TMEM132B: variants seen among roughly 807,000 people sequenced by gnomAD.
TMEM132B encodes the protein transmembrane protein 132B.
In TMEM132B, 18 loss-of-function variants were observed where a neutral mutation model predicts 90.8. The ratio of observed to expected loss-of-function variants is 0.20; its 90% confidence interval spans 0.14 to 0.29. The LOEUF (loss-of-function observed/expected upper bound fraction) is 0.29, where lower values mean the gene tolerates loss of function less well. Ranked by LOEUF, TMEM132B falls within the 10% of genes least tolerant of loss-of-function variation. The pLI is 1.00. For missense variants in TMEM132B, 1,096 were observed against 1,326.8 expected, an observed-to-expected ratio of 0.83 and a Z score of 2.70; for synonymous variants, 504 against 523.3, an observed-to-expected ratio of 0.96 and a Z score of 0.50.
chr12:125,598,752 G>A (rs904522300), intron 5 of TMEM132B, among the ~76,000 whole-genome samples: 14 of 152,148 alleles, frequency 9.2e-5, no homozygotes, highest in African/African-American at 2.9e-4. Context: ...TGAGCATTGC[G>A]CCTCAGAGTC....
rs1463149716 is a variant in TMEM132B, at chr12:125,661,034, G to T, written c.*6324G>T. 6.6e-6 allele frequency: 1 copy of T among 152,174 alleles called. No individual in the cohort carries two copies. The highest frequency in any genetic ancestry group is 1.9e-4 in the East Asian group (1 of 5,194). The allele number at this position is 152,174 out of a possible 1,614,324, so 9.4% of individuals were successfully genotyped here. A position where few individuals can be genotyped will look rare whatever the true frequency, so the allele number is the denominator to read the frequency against. ...GGATGGCTGAAATAACTTTTGACCT[G>T]ACACATCTTTCTGTACTTCCTGTGG... On this transcript the variant is annotated 3_prime_UTR_variant, in exon 9 of 9. Coordinates refer to ENST00000682704, the MANE Select transcript of TMEM132B (RefSeq NM_001366854.1).
At chr12:125,240,118 C>T (rs1874032843) in intron 1 of TMEM132B, among the ~76,000 whole-genome samples, 1 of 152,184 alleles carries the variant, frequency 6.6e-6, no homozygotes, top group Non-Finnish European at 1.5e-5. Context: ...TCATTCCTTC[C>T]ACCTTCTGGT....
At chr12:125,316,220 G>A (rs1216893029) in intron 1 of TMEM132B, among the ~76,000 whole-genome samples, 2 of 152,172 alleles carry the variant, frequency 1.3e-5, no homozygotes, top group African/African-American at 2.4e-5. Flanking sequence ...GATTACACAG[G>A]ATAAATCTAA....
At chr12:125,464,660 A>G (rs1881519982) in intron 3 of TMEM132B, among the ~76,000 whole-genome samples, 1 of 152,152 alleles carries the variant, frequency 6.6e-6, no homozygotes, top group African/African-American at 2.4e-5. Context: ...CTCTGCATAC[A>G]CTGGCATCAT....
At chr12:125,272,902 TCAAA>T (rs1392440252) in intron 1 of TMEM132B, among the ~76,000 whole-genome samples, 2 of 152,200 alleles carry the variant, frequency 1.3e-5, no homozygotes, top group Non-Finnish European at 2.9e-5. Flanking sequence ...CATTCTTCGC[TCAAA>T]CAGTCAGATG....
At position 125,214,765 on chromosome 12, in the gene TMEM132B, C is replaced by T. The variant is rs117363089; in HGVS notation, c.67+27899C>T. ...ATTCTCCACCCTTCCTTGCCCTTTT[C>T]TGTTCCCCGGAAGCTGACCCACAAG... On this transcript the variant is annotated intron_variant, in intron 1 of 8. Transcript: ENST00000682704. 2.2e-4 allele frequency among the ~76,000 whole-genome samples: 34 copies of T among 152,346 alleles called. 1 individual carries two copies. The East Asian group carries it at 6.4e-3, about 29-fold the overall frequency.
At chr12:125,271,616 T>C (rs1874838537) in intron 1 of TMEM132B, among the ~76,000 whole-genome samples, 1 of 152,202 alleles carries the variant, frequency 6.6e-6, no homozygotes, top group Admixed American at 6.5e-5. Flanking sequence ...CTGATTGTCT[T>C]TTATATTTTC....
At chr12:125,514,388 G>A (rs1360477255) in intron 3 of TMEM132B, among the ~76,000 whole-genome samples, 1 of 152,160 alleles carries the variant, frequency 6.6e-6, no homozygotes, top group Non-Finnish European at 1.5e-5. Context: ...GGAGTCAGAG[G>A]TCCCCGTCTC....
At chr12:125,356,584 C>A (rs1300256738) in intron 2 of TMEM132B, among the ~76,000 whole-genome samples, 1 of 152,232 alleles carries the variant, frequency 6.6e-6, no homozygotes, top group Non-Finnish European at 1.5e-5. Flanking sequence ...TGCTATGACC[C>A]AGGTCTAAGC....
At chr12:125,542,414 T>C (rs541658018) in intron 4 of TMEM132B, among the ~76,000 whole-genome samples, 1 of 152,320 alleles carries the variant, frequency 6.6e-6, no homozygotes, top group East Asian at 1.9e-4. Flanking sequence ...TTCATACTGT[T>C]ATGCAGCCAT....
chr12:125,536,939 C>G (rs767883686), intron 4 of TMEM132B, among the ~76,000 whole-genome samples: 1 of 151,874 alleles, frequency 6.6e-6, no homozygotes, highest in South Asian at 2.1e-4. Flanking sequence ...ATTATCAATA[C>G]GAGCCTTACT....
At chr12:125,549,907 CA>C (rs1884178841) in intron 4 of TMEM132B, among the ~76,000 whole-genome samples, 2 of 152,068 alleles carry the variant, frequency 1.3e-5, no homozygotes, top group Admixed American at 1.3e-4. Context: ...GAGCATGTGC[CA>C]GTTGTCATTT....
intron 2 of TMEM132B, among the ~76,000 whole-genome samples, chr12:125,355,125 G>C (rs529085631): frequency 6.6e-6 from 1 of 151,858 alleles, no homozygotes; most frequent in African/African-American, 2.4e-5. Flanking sequence ...AGCTCTCTGG[G>C]TCAGCATTTA....
At chr12:125,274,732 G>T (rs1874941418) in intron 1 of TMEM132B, among the ~76,000 whole-genome samples, 1 of 152,152 alleles carries the variant, frequency 6.6e-6, no homozygotes, top group African/African-American at 2.4e-5. Flanking sequence ...ATTTTAGTTG[G>T]TTGAGAACTT....
In TMEM132B at chr12:125,408,450, G is replaced by C. The variant is rs911492774; in HGVS notation, c.960-7081G>C. ...TGCTCTGTCACCCCTTCCACCATGC[G>C]AGGACACAGCATGACAGCCGCATCT... is the stretch of plus-strand genomic sequence containing the variant. On this transcript the variant is annotated intron_variant, in intron 2 of 8. Coordinates refer to ENST00000682704, the MANE Select transcript of TMEM132B (RefSeq NM_001366854.1). The surrounding 1 kb of genome is among the most constrained non-coding windows in gnomAD (Gnocchi z 5.9). Among the ~76,000 whole-genome samples the C allele has an allele frequency of 6.6e-6, 1 of 152,112 alleles. No individual in the cohort carries two copies. Among genetic ancestry groups the C allele is most frequent in the African/African-American group, 2.4e-5 (1 of 41,414 alleles).
At chr12:125,313,695 TC>T (rs1192924016) in intron 1 of TMEM132B, among the ~76,000 whole-genome samples, 2 of 9,168 alleles carry the variant, frequency 2.2e-4, no homozygotes, top group African/African-American at 4.4e-4. Context: ...TTCCCTCCCC[TC>T]CCCCCCTCCC....
intron 5 of TMEM132B, among the ~76,000 whole-genome samples, chr12:125,594,283 CA>C (rs1885388040): frequency 6.6e-6 from 1 of 152,168 alleles, no homozygotes; most frequent in Non-Finnish European, 1.5e-5. Context: ...TTGAATATAT[CA>C]CTGTTTATCA....
At chr12:125,370,714 C>T (rs1276216588) in intron 2 of TMEM132B, among the ~76,000 whole-genome samples, 1 of 152,174 alleles carries the variant, frequency 6.6e-6, no homozygotes, top group Non-Finnish European at 1.5e-5. Flanking sequence ...CGGCCAATTT[C>T]AGGGTTTTCT....
chr12:125,503,924 C>T (rs912019468), intron 3 of TMEM132B, among the ~76,000 whole-genome samples: 1 of 152,178 alleles, frequency 6.6e-6, no homozygotes, highest in Admixed American at 6.5e-5. Flanking sequence ...AAGTTACATG[C>T]ACATAATTTT....
Sources: gnomAD v4.1 joint callset for allele counts (sites outside exome capture counted in the v4.1 genomes callset) on GRCh38, gnomAD v4.1.1 for gene constraint, Gnocchi (gnomAD v3.1) non-coding constraint, MANE v1.5 for transcripts, NCBI Gene and HGNC (gene_info 2026-07-23, HGNC 2026-07-21) for gene names.